Variants in SEC14L3 observed in about 807,000 individuals in gnomAD.
SEC14L3 encodes SEC14 like lipid binding 3, also known as SEC14-like protein 3.
In SEC14L3, 56 loss-of-function variants were observed where a neutral mutation model predicts 57.4. The ratio of observed to expected loss-of-function variants is 0.97; its 90% CI spans 0.79 to 1.22. The LOEUF (loss-of-function observed/expected upper bound fraction) is 1.22, where lower values mean the gene tolerates loss of function less well. Ranked by LOEUF, SEC14L3 falls within the 50% of genes most tolerant of loss-of-function variation. The probability of loss-of-function intolerance (pLI) is 0.00; values close to 1 mark genes in which losing one functional copy is unlikely to be tolerated. For synonymous variants in SEC14L3, 173 were observed against 194.4 expected (o/e 0.89, Z 0.92); for missense variants, 485 against 511.7 (o/e 0.95, Z 0.50).
intron 2 of SEC14L3, 91 bp from the exon 3 acceptor site, chr22:30,470,346 G>C: frequency 1.3e-6 from 2 of 1,590,106 alleles, no homozygotes; most frequent in Non-Finnish European, 1.7e-6. Context: ...TGGGGGCCTG[G>C]GTGAGACCTT....
intron 9 of SEC14L3, 114 bp from the exon 10 acceptor site, chr22:30,461,808 C>T: frequency 1.4e-6 from 2 of 1,404,206 alleles, no homozygotes; most frequent in Non-Finnish European, 1.9e-6. Context: ...CCTAGCCCCA[C>T]TCTCCCACCT....
chr22:30,460,366 C>T, intron 11 of SEC14L3: 1 of 731,980 alleles, frequency 1.4e-6, no homozygotes, highest in Non-Finnish European at 1.7e-6. Flanking sequence ...CATGGCTTTA[C>T]TGGCATCGAG....
At chr22:30,450,248 C>A (rs5753151) in intron 12 of SEC14L3, among the ~76,000 whole-genome samples, 106,134 of 152,016 alleles carry the variant, frequency 0.7, 38,114 homozygotes, top group African/African-American at 0.86. Context: ...CTGGGTTTAC[C>A]TCATCTGCTG....
At chr22:30,455,231 TAA>T, downstream of SEC14L3, among the ~76,000 whole-genome samples, 1 of 125,850 alleles carries the variant, frequency 7.9e-6, no homozygotes, top group Non-Finnish European at 1.6e-5. Flanking sequence ...ATATAATATA[TAA>T]TATTTAATAT....
At chr22:30,461,176 A>T in intron 11 of SEC14L3, 134 bp downstream of exon 11, 1 of 1,085,012 alleles carries the variant, frequency 9.2e-7, no homozygotes, top group Non-Finnish European at 1.3e-6. Flanking sequence ...TGACTGTATG[A>T]ATGAATGGTG....
downstream of SEC14L3, among the ~76,000 whole-genome samples, chr22:30,455,623 G>A (rs9608930): frequency 0.051 from 7,707 of 152,226 alleles, 245 homozygotes; most frequent in East Asian, 0.076. Flanking sequence ...ACATGCATTT[G>A]TGGTCTCTGA....
chr22:30,462,152 C>G lies in SEC14L3; in HGVS notation c.705G>C (p.Glu235Asp). ...TGCCCCCAAACTGGGCAGGCAGTTC[C>G]TCAGGACTGATGAGTTTCAGCAAAC... Reference protein sequence around the residue: ...KEGLLKLISPEELPAQFGGTL... With the variant: ...KEGLLKLISPDELPAQFGGTL... The change falls in exon 9 of 12, where the codon GAG (glutamate) becomes GAC (aspartate). Residue 235 changes from glutamate (E) to aspartate (D), a missense_variant. By Grantham distance (45) the Glu-to-Asp change is conservative. Transcript: ENST00000215812. 1.2e-6 allele frequency: 2 copies of G among 1,614,110 alleles called. No individual in the cohort carries two copies. The highest frequency in any genetic ancestry group is 1.7e-6 in the Non-Finnish European group (2 of 1,180,016).
Position 30,471,916 on chromosome 22 carries a change from T to C in SEC14L3, c.43A>G (p.Thr15Ala). 6.2e-7 allele frequency: 1 copy of C among 1,612,542 alleles called. No homozygotes were observed. Among genetic ancestry groups the C allele is most frequent in the Non-Finnish European group, 8.5e-7 (1 of 1,179,278 alleles). ...GGAGGGGCTCTCACCTTGGCCAGGG[T>C]CTCTGCCTGTTTGGGGCTCAGGTCT... is the stretch of plus-strand genomic sequence containing the variant. ...VGDLSPKQAETLAKFRENVQD... is the reference protein window; with the variant it reads ...VGDLSPKQAEALAKFRENVQD... Residue 15 changes from threonine (T) to alanine (A), a missense_variant, in exon 1 of 12, where the codon ACC becomes GCC. Physicochemically the swap from Thr to Ala is moderately conservative, Grantham distance 58. Coordinates refer to ENST00000215812, the MANE Select transcript of SEC14L3 (RefSeq NM_174975.5).
chr22:30,461,858 T>A (rs911842897), intron 9 of SEC14L3, 164 bp from the exon 10 acceptor site: 2 of 580,058 alleles, frequency 3.4e-6, no homozygotes, highest in Non-Finnish European at 4.3e-6. Flanking sequence ...GGCCAGTGCG[T>A]CTGCTGGGAG....
At chr22:30,451,424 GC>G (rs1197349137) in intron 12 of SEC14L3, among the ~76,000 whole-genome samples, 2 of 152,034 alleles carry the variant, frequency 1.3e-5, no homozygotes, top group African/African-American at 4.8e-5. Context: ...CTTGTCCCCG[GC>G]CCCCCCTTAC....
In SEC14L3 at chr22:30,461,631, C is replaced by T. The variant is rs769756699; in HGVS notation, c.835G>A (p.Glu279Lys). ...YVRDQVKTQY[E>K]HSVQINRGSS... is the part of the protein sequence containing the mutation. ...CCGCGGTTGATCTGCACCGAGTGCTCGTACTGAGTCTTCACCTGGTCCCGC... is the reference window on the plus strand; with the variant it reads ...CCGCGGTTGATCTGCACCGAGTGCTTGTACTGAGTCTTCACCTGGTCCCGC... Residue 279 changes from glutamate (E) to lysine (K), a missense_variant, in exon 10 of 12, where the codon GAG (glutamate) becomes AAG (lysine). Transcript: ENST00000215812. 9 of 1,613,780 alleles carry T rather than the reference C, an allele frequency of 5.6e-6. No individual in the cohort carries two copies. The highest frequency in any genetic ancestry group is 5.3e-5 in the African/African-American group (4 of 74,854).
Position 30,468,996 on chromosome 22 carries a change from G to A in SEC14L3, c.235-300C>T, listed in dbSNP as rs1935517821. 4.3e-6 allele frequency: 6 copies of A among 1,398,248 alleles called. No homozygotes were observed. In the South Asian group the frequency reaches 8.0e-5, roughly 19 times the overall value. 86.6% of individuals were successfully genotyped at this position (1,398,248 alleles called of 1,614,324 possible). A position where few individuals can be genotyped will look rare whatever the true frequency, so the allele number is the denominator to read the frequency against. ...GTCGGGTTTAGTGATGGAGAACACAGATTCTGAAGGTTAACAGAGCTGGTT... is the reference window on the plus strand; with the variant it reads ...GTCGGGTTTAGTGATGGAGAACACAAATTCTGAAGGTTAACAGAGCTGGTT... On this transcript the variant is annotated intron_variant, in intron 4 of 11. Coordinates refer to ENST00000215812, the MANE Select transcript of SEC14L3 (RefSeq NM_174975.5).
chr22:30,454,642 A>T, downstream of SEC14L3, among the ~76,000 whole-genome samples: 1 of 109,074 alleles, frequency 9.2e-6, no homozygotes, highest in Admixed American at 1.4e-4. Flanking sequence ...TATTAGATAT[A>T]ATCTATAATA....
rs368395281 is a variant in SEC14L3, at chr22:30,462,065, C to T, written c.771+21G>A. ...GCTTAATTCTTGAACCTCTCTTGTC[C>T]CAGGGAAGGGCTCTTTGTACCTTGG... On this transcript the variant is annotated intron_variant, in intron 9 of 11. Coordinates refer to ENST00000215812, the MANE Select transcript of SEC14L3 (RefSeq NM_174975.5). 1.7e-5 allele frequency: 28 copies of T among 1,612,192 alleles called. No homozygotes were observed. The African/African-American group carries it at 3.3e-4, about 19-fold the overall frequency.
chr22:30,467,699 G>C (rs117002844), intron 5 of SEC14L3, among the ~76,000 whole-genome samples: 1,703 of 152,324 alleles, frequency 0.011, 11 homozygotes, highest in Middle Eastern at 0.02. Flanking sequence ...GTCAGGGAAA[G>C]TTGTGGGAGG....
chr22:30,447,665 G>A (rs569077664), downstream of SEC14L3, among the ~76,000 whole-genome samples: 1 of 152,240 alleles, frequency 6.6e-6, no homozygotes, highest in African/African-American at 2.4e-5. Flanking sequence ...CAGATGTTTG[G>A]TGGGGGATCT....
downstream of SEC14L3, among the ~76,000 whole-genome samples, chr22:30,457,191 C>A (rs1014976481): frequency 6.6e-6 from 1 of 152,102 alleles, no homozygotes; most frequent in African/African-American, 2.4e-5. Flanking sequence ...TCCATGACAT[C>A]ATTGGCCCAA....
intron 12 of SEC14L3, among the ~76,000 whole-genome samples, chr22:30,449,403 C>T (rs1934936745): frequency 6.6e-6 from 1 of 152,068 alleles, no homozygotes; most frequent in African/African-American, 2.4e-5. Context: ...TATACAATAA[C>T]TTAATCAAGT....
At chr22:30,453,512 A>G (rs1304816363) in intron 12 of SEC14L3, among the ~76,000 whole-genome samples, 1 of 152,162 alleles carries the variant, frequency 6.6e-6, no homozygotes, top group Non-Finnish European at 1.5e-5. Flanking sequence ...TCCCGAGTCC[A>G]AGTGATTGTC....
Sources: gnomAD v4.1 joint callset for allele counts (sites outside exome capture counted in the v4.1 genomes callset) on GRCh38, gnomAD v4.1.1 for gene constraint, MANE v1.5 for transcripts, NCBI Gene and HGNC (gene_info 2026-07-23, HGNC 2026-07-21) for gene names.